Variants in CHMP5 observed in about 807,000 individuals in gnomAD.
The protein encoded by CHMP5 is charged multivesicular body protein 5, also known as SNF7 domain containing 2.
A neutral mutation model predicts 33.0 loss-of-function variants in CHMP5; 17 were observed. The observed-to-expected ratio is 0.52, with a 90% CI of 0.35 to 0.77. The LOEUF (loss-of-function observed/expected upper bound fraction) is 0.77. Among genes scored for constraint, CHMP5 ranks in the 30% least tolerant of loss-of-function variants. CHMP5 has a pLI of 0.01. For missense variants in CHMP5, 216 were observed against 261.5 expected, an observed-to-expected ratio of 0.83 and a Z score of 1.20; for synonymous variants, 76 against 90.2, an observed-to-expected ratio of 0.84 and a Z score of 0.89.
chr9:33,265,137 G>A lies in CHMP5; in HGVS notation c.59G>A (p.Cys20Tyr). ...PKAPPPSLTD[C>Y]IGTVDSRAES... is the part of the protein sequence containing the mutation. ...GCTCCGCCGCCCAGCCTGACTGACT[G>A]CATTGGCACGGTGGGCATTTGATCA... is the stretch of plus-strand genomic sequence containing the variant. The change falls in exon 1 of 8, where the codon TGC becomes TAC. Residue 20 changes from cysteine to tyrosine, a missense_variant. Coordinates refer to ENST00000223500, the MANE Select transcript of CHMP5 (RefSeq NM_016410.6). 6.2e-7 allele frequency: 1 copy of A among 1,614,110 alleles called. No homozygotes were observed. The highest frequency in any genetic ancestry group is 2.2e-5 in the East Asian group (1 of 44,872).
At chr9:33,265,248 C>T in intron 1 of CHMP5, 101 bp downstream of exon 1, 2 of 1,097,406 alleles carry the variant, frequency 1.8e-6, no homozygotes, top group Non-Finnish European at 2.7e-6. Context: ...CATTTCGGGT[C>T]CTGGGCCCCT....
rs777010990 is a variant in CHMP5, at chr9:33,269,376, C to T, written c.222-1247C>T. Among the ~76,000 whole-genome samples the T allele has an allele frequency of 4.6e-4, 70 of 152,086 alleles. 1 individual carries two copies. The highest frequency in any genetic ancestry group is 1.5e-3 in the African/African-American group (63 of 41,400). ...AAAATTAGCTGGGCGTGTTTGCATG[C>T]GCTTGTAATCCCACCTACTTGGGAG... On this transcript the variant is annotated intron_variant, in intron 3 of 7. Coordinates refer to ENST00000223500, the MANE Select transcript of CHMP5 (RefSeq NM_016410.6).
intron 3 of CHMP5, among the ~76,000 whole-genome samples, chr9:33,270,289 T>G (rs548939002): frequency 3.9e-5 from 6 of 152,292 alleles, no homozygotes; most frequent in Admixed American, 6.5e-5. Context: ...CTTAGGTGAA[T>G]AGTGGGCTAT....
chr9:33,270,211 A>G (rs1820777201), intron 3 of CHMP5, among the ~76,000 whole-genome samples: 1 of 152,178 alleles, frequency 6.6e-6, no homozygotes, highest in Non-Finnish European at 1.5e-5. Context: ...ATTGGCTACA[A>G]TATTCAGTAC....
chr9:33,277,169 C>A, intron 6 of CHMP5, among the ~76,000 whole-genome samples: 1 of 123,074 alleles, frequency 8.1e-6, no homozygotes. Flanking sequence ...GCAGCCTGGG[C>A]AACAGAGTGA....
At chr9:33,273,755 C>T (rs1458023334) in intron 5 of CHMP5, among the ~76,000 whole-genome samples, 3 of 150,648 alleles carry the variant, frequency 2.0e-5, no homozygotes, top group Non-Finnish European at 4.4e-5. Context: ...TTTGTTTATA[C>T]AATAGAGAAC....
intron 2 of CHMP5, 86 bp downstream of exon 2, chr9:33,266,200 C>T: frequency 2.4e-6 from 2 of 819,366 alleles, no homozygotes; most frequent in Non-Finnish European, 4.0e-6. Context: ...CGGCTGGGCG[C>T]AGTGGCTCAT....
chr9:33,271,039 C>G (rs1289920835), intron 4 of CHMP5, 113 bp from the exon 5 acceptor site: 3 of 842,806 alleles, frequency 3.6e-6, no homozygotes, highest in Non-Finnish European at 5.7e-6. Context: ...CCATTGCACT[C>G]CAGCCTGGGC....
chr9:33,267,830 A>G lies in CHMP5; in HGVS notation c.175-23A>G, dbSNP rs750341789. 16 of 1,579,318 alleles carry G rather than the reference A, an allele frequency of 1.0e-5. No individual in the cohort carries two copies. In the Middle Eastern group the frequency reaches 5.0e-4, roughly 49 times the overall value. ...TATATGTGTTTTCCACCTTATTTTT[A>G]TTAAATCTGTTTTTCTCTCCAGAAT... On this transcript the variant is annotated intron_variant, in intron 2 of 7. Coordinates refer to ENST00000223500, the MANE Select transcript of CHMP5 (RefSeq NM_016410.6).
intron 3 of CHMP5, among the ~76,000 whole-genome samples, chr9:33,270,073 A>G (rs1261242446): frequency 1.3e-5 from 2 of 152,246 alleles, no homozygotes; most frequent in Non-Finnish European, 2.9e-5. Context: ...CTGCATAACA[A>G]TGTTTTTGTC....
At chr9:33,279,116 G>T (rs1381941326) in intron 7 of CHMP5, among the ~76,000 whole-genome samples, 1 of 152,032 alleles carries the variant, frequency 6.6e-6, no homozygotes, top group African/African-American at 2.4e-5. Flanking sequence ...GTAGAGACGG[G>T]GTTTCACCAT....
intron 3 of CHMP5, among the ~76,000 whole-genome samples, 175 bp downstream of exon 3, chr9:33,268,074 C>G (rs1012663378): frequency 6.6e-6 from 1 of 152,158 alleles, no homozygotes; most frequent in African/African-American, 2.4e-5. Context: ...CAACTTCCAT[C>G]TAAATAGAAC....
At chr9:33,270,442 A>G (rs983557029) in intron 3 of CHMP5, among the ~76,000 whole-genome samples, 181 bp from the exon 4 acceptor site, 13 of 152,202 alleles carry the variant, frequency 8.5e-5, no homozygotes, top group African/African-American at 2.7e-4. Context: ...GGACACATCA[A>G]ATGATATTTG....
intron 5 of CHMP5, among the ~76,000 whole-genome samples, chr9:33,271,606 A>G (rs1344601613): frequency 6.6e-6 from 1 of 152,224 alleles, no homozygotes; most frequent in African/African-American, 2.4e-5. Flanking sequence ...AGGCTGTTAG[A>G]TGATTTTGCC....
rs186658729 is a variant in CHMP5 at position 33,272,301 on chromosome 9, T to G, written c.387+1078T>G. Among the ~76,000 whole-genome samples, 210 of 151,706 alleles carry G rather than the reference T, an allele frequency of 1.4e-3. 2 individuals are homozygous for G. The highest frequency in any genetic ancestry group is 6.8e-3 in the Middle Eastern group (2 of 294). On this transcript the variant is annotated intron_variant, in intron 5 of 7. Transcript: ENST00000223500. ...AGGGACTTGATTTTGTTCACTACTG[T>G]GTCCCCAGTGCCCATAACAATGCCC...
At chr9:33,276,134 G>A (rs905737180) in intron 5 of CHMP5, among the ~76,000 whole-genome samples, 10 of 152,324 alleles carry the variant, frequency 6.6e-5, no homozygotes, top group Non-Finnish European at 1.3e-4. Flanking sequence ...ATTATTGTTA[G>A]AGGAGGTCTT....
rs71525242 is a variant in CHMP5, at chr9:33,269,144, T to C, written c.221+1245T>C. On this transcript the variant is annotated intron_variant, in intron 3 of 7. Transcript: ENST00000223500. ...TATTATAATTTGATATAAAACTGTA[T>C]TTTAAAAACATTTTGAACACCACAC... is the stretch of plus-strand genomic sequence containing the variant. 5.8e-3 allele frequency among the ~76,000 whole-genome samples: 881 copies of C among 152,356 alleles called. 12 individuals carry two copies. Among genetic ancestry groups the C allele is most frequent in the Non-Finnish European group, 9.8e-3 (670 of 68,034 alleles).
intron 3 of CHMP5, 100 bp from the exon 4 acceptor site, chr9:33,270,521 GTT>G: frequency 1.0e-6 from 1 of 969,422 alleles, no homozygotes; most frequent in East Asian, 2.5e-5. Context: ...TTTTTGTTCC[GTT>G]GTTTTTTTTT....
At chr9:33,280,781 G>A in intron 7 of CHMP5, 28 bp from the exon 8 acceptor site, 2 of 1,563,724 alleles carry the variant, frequency 1.3e-6, no homozygotes, top group Non-Finnish European at 1.7e-6. Context: ...GAAAAATAGT[G>A]GCACTAAACA....
Sources: allele counts gnomAD v4.1 joint callset (sites outside exome capture counted in the v4.1 genomes callset), GRCh38; gene constraint gnomAD v4.1.1; transcripts MANE v1.5; gene names NCBI Gene and HGNC (gene_info 2026-07-23, HGNC 2026-07-21).